The following DACH2 variants were observed in gnomAD, a reference collection of about 807,000 sequenced individuals.
The protein encoded by DACH2 is dachshund homolog 2.
A neutral mutation model predicts 35.8 loss-of-function variants in DACH2; 17 were observed. The observed-to-expected ratio is 0.48, with a 90% CI of 0.33 to 0.71. DACH2 has a LOEUF of 0.71. Ranked by LOEUF, DACH2 falls within the 30% of genes least tolerant of loss-of-function variation. The pLI, the probability that DACH2 is intolerant of heterozygous loss-of-function variation, is 0.02. For synonymous variants in DACH2, 195 were observed against 177.3 expected (o/e 1.10, Z -0.79); for missense variants, 469 against 472.7 (o/e 0.99, Z 0.07).
At chrX:86,804,567 C>T (rs749685947) in intron 7 of DACH2, among the ~76,000 whole-genome samples, 1 of 112,210 alleles carries the variant, frequency 8.9e-6, no homozygotes, top group Admixed American at 9.4e-5. Context: ...AAAGTCTTAA[C>T]TAATTCCATC....
At chrX:86,324,654 C>G (rs2035078303) in intron 1 of DACH2, among the ~76,000 whole-genome samples, 1 of 94,792 alleles carries the variant, frequency 1.1e-5, no homozygotes, top group Non-Finnish European at 2.0e-5. Context: ...TCTCGGCTCA[C>G]TGCAAGCTCC....
At chrX:86,546,430 C>G (rs1356972300) in intron 3 of DACH2, among the ~76,000 whole-genome samples, 1 of 85,783 alleles carries the variant, frequency 1.2e-5, no homozygotes, top group Non-Finnish European at 2.2e-5. Context: ...TCTTCTTCTT[C>G]TTCCTCTTCT....
At chrX:86,624,725 G>A (rs1238830369) in intron 3 of DACH2, among the ~76,000 whole-genome samples, 1 of 111,478 alleles carries the variant, frequency 9.0e-6, no homozygotes, top group Non-Finnish European at 1.9e-5. Flanking sequence ...ATTATCTAGG[G>A]TGATGTTTCT....
chrX:86,333,761 AT>A (rs930975974), intron 1 of DACH2, among the ~76,000 whole-genome samples: 28 of 111,375 alleles, frequency 2.5e-4, no homozygotes, highest in Admixed American at 3.8e-4. Context: ...ATACTTATTA[AT>A]TTTTTTTAAT....
intron 5 of DACH2, among the ~76,000 whole-genome samples, chrX:86,710,281 T>A (rs2041264473): frequency 8.9e-6 from 1 of 112,019 alleles, no homozygotes; most frequent in Non-Finnish European, 1.9e-5. Flanking sequence ...CTAAATAGTG[T>A]GTGATTCTAA....
chrX:86,639,445 C>T (rs1740618353), intron 3 of DACH2, among the ~76,000 whole-genome samples: 2 of 111,511 alleles, frequency 1.8e-5, no homozygotes, highest in Non-Finnish European at 3.8e-5. Context: ...GTGTTGGAGA[C>T]CCTGGAGCCT....
intron 3 of DACH2, among the ~76,000 whole-genome samples, chrX:86,536,276 T>C (rs772299771): frequency 9.7e-4 from 109 of 112,036 alleles, no homozygotes; most frequent in African/African-American, 3.3e-3. Context: ...CACAGCTTTC[T>C]GAGCCCCTAC....
intron 3 of DACH2, among the ~76,000 whole-genome samples, chrX:86,532,589 G>A (rs1021668832): frequency 9.1e-6 from 1 of 110,253 alleles, no homozygotes; most frequent in Non-Finnish European, 1.9e-5. Context: ...GGCCTCCTCA[G>A]CCATACAGAG....
intron 1 of DACH2, among the ~76,000 whole-genome samples, chrX:86,283,745 G>A (rs891580682): frequency 1.8e-5 from 2 of 108,450 alleles, no homozygotes; most frequent in Non-Finnish European, 3.8e-5. Flanking sequence ...GGACTGGGTG[G>A]GGGATAGCAT....
At chrX:86,598,349 G>T (rs192153377) in intron 3 of DACH2, among the ~76,000 whole-genome samples, 20 of 111,880 alleles carry the variant, frequency 1.8e-4, no homozygotes, top group African/African-American at 6.5e-4. Flanking sequence ...GAAATTACAA[G>T]GTTTTAGCAT....
At chrX:86,161,183 G>A (rs1015591193) in intron 1 of DACH2, 512 of 1,166,883 alleles carry the variant, frequency 4.4e-4, no homozygotes, top group Non-Finnish European at 5.4e-4. Flanking sequence ...GTGGCTCAGT[G>A]GAATCCATTT....
At chrX:86,198,336 A>G (rs1443518367) in intron 1 of DACH2, among the ~76,000 whole-genome samples, 1 of 111,839 alleles carries the variant, frequency 8.9e-6, no homozygotes, top group Admixed American at 9.6e-5. Context: ...GTAACAACCT[A>G]ACATAGCAAC....
At chrX:86,297,435 G>T (rs770473845) in intron 1 of DACH2, among the ~76,000 whole-genome samples, 4 of 112,017 alleles carry the variant, frequency 3.6e-5, no homozygotes, top group African/African-American at 6.5e-5. Flanking sequence ...ATCATAGGAG[G>T]TTAGTTGTAA....
chrX:86,543,611 G>T (rs1290541814), intron 3 of DACH2, among the ~76,000 whole-genome samples: 2 of 110,857 alleles, frequency 1.8e-5, no homozygotes, highest in African/African-American at 6.6e-5. Flanking sequence ...GATGAAAGAT[G>T]AAATGGCCAT....
At chrX:86,201,505 GGTT>G (rs2032156217) in intron 1 of DACH2, among the ~76,000 whole-genome samples, 1 of 111,045 alleles carries the variant, frequency 9.0e-6, no homozygotes, top group Non-Finnish European at 1.9e-5. Flanking sequence ...TCTCAGTTGT[GGTT>G]GTTGTTCATT....
intron 10 of DACH2, 110 bp downstream of exon 10, chrX:86,814,944 G>C: frequency 1.3e-5 from 11 of 830,017 alleles, no homozygotes; most frequent in Non-Finnish European, 1.8e-5. Context: ...GGAAGGGAGA[G>C]AGGGAAACAC....
Position 86,315,824 on chromosome X carries a change from CACACACACACACACACAG to C in DACH2, c.489-60998_489-60981del, listed in dbSNP as rs1467090954. ...ACACACACACACACACACACACACACACACACACACACACACAGAGAGAGAGAGGGAGATTGGAGCAGG... is the reference window on the plus strand; with the variant it reads ...ACACACACACACACACACACACACACAGAGAGAGAGGGAGATTGGAGCAGG... On this transcript the variant is annotated intron_variant, in intron 1 of 11. Coordinates refer to ENST00000373125, the MANE Select transcript of DACH2 (RefSeq NM_053281.3). Among the ~76,000 whole-genome samples the C allele has an allele frequency of 2.3e-3, 226 of 98,387 alleles. 1 individual carries two copies. Among genetic ancestry groups the C allele is most frequent in the African/African-American group, 9.3e-3 (221 of 23,732 alleles). The allele number at this position is 98,387 out of a possible 115,157, so 85.4% of individuals were successfully genotyped here. A position where few individuals can be genotyped will look rare whatever the true frequency, so the allele number is the denominator to read the frequency against.
chrX:86,743,841 C>T (rs2041683147), intron 7 of DACH2, among the ~76,000 whole-genome samples: 1 of 111,200 alleles, frequency 9.0e-6, no homozygotes, highest in Admixed American at 9.7e-5. Context: ...CAAACTCTTG[C>T]ACAGGTAATG....
chrX:86,289,190 T>A (rs2034217146), intron 1 of DACH2, among the ~76,000 whole-genome samples: 1 of 108,105 alleles, frequency 9.3e-6, no homozygotes, highest in South Asian at 4.2e-4. Flanking sequence ...AGGAGGAAGG[T>A]CCTGGAAAGG....
Sources: allele counts gnomAD v4.1 joint callset (sites outside exome capture counted in the v4.1 genomes callset), GRCh38; gene constraint gnomAD v4.1.1; transcripts MANE v1.5; gene names NCBI Gene and HGNC (gene_info 2026-07-23, HGNC 2026-07-21).